Variants in TNKS observed in about 807,000 individuals in gnomAD.
The protein encoded by TNKS is tankyrase.
In TNKS, 72 loss-of-function variants were observed where a neutral mutation model predicts 135.8. The observed-to-expected ratio is 0.53, with a 90% CI of 0.44 to 0.64. The LOEUF is 0.64. Among genes scored for constraint, TNKS ranks in the 30% least tolerant of loss-of-function variants. The pLI is 0.00. For missense variants in TNKS, 1,769 were observed against 1,674.0 expected, an observed-to-expected ratio of 1.06 and a Z score of -0.99; for synonymous variants, 849 against 649.3, an observed-to-expected ratio of 1.31 and a Z score of -4.68.
chr8:9,766,411 C>G lies in TNKS; in HGVS notation c.3726C>G (p.Cys1242Trp). The change falls in exon 25 of 27, where the codon TGC becomes TGG. Residue 1242 changes from cysteine to tryptophan, a missense_variant. Around this residue, in one of 5 missense-constraint regions of TNKS, gnomAD observed 722 missense variants for 688.9 expected, o/e 1.05. Coordinates refer to ENST00000310430, the MANE Select transcript of TNKS (RefSeq NM_003747.3). ...TGCPTHKDRS[C>W]YICHRQMLFC... ...GCCCTACACACAAGGACAGGTCATG[C>G]TATATATGTCACAGGTAAGCATCTT... The G allele has an allele frequency of 6.3e-7, 1 of 1,596,008 alleles. No homozygotes were observed. The highest frequency in any genetic ancestry group is 8.6e-7 in the Non-Finnish European group (1 of 1,168,722).
chr8:9,709,068 T>C (rs1182780367), intron 9 of TNKS, among the ~76,000 whole-genome samples: 1 of 152,130 alleles, frequency 6.6e-6, no homozygotes, highest in Non-Finnish European at 1.5e-5. Context: ...AGCTAGAGAG[T>C]GGTTAGTGAT....
chr8:9,771,692 A>AGAGAGAGGAAGGGAGAAAGC lies in TNKS; in HGVS notation c.3897+1443_3897+1462dup, dbSNP rs1459617476. ...CAGGAAGGGAGGGAGAGAGAGAGAG[A>AGAGAGAGGAAGGGAGAAAGC]GAGAGAGGAAGGGAGAAAGCGAGAG... On this transcript the variant is annotated intron_variant, in intron 26 of 26. Transcript: ENST00000310430. Among the ~76,000 whole-genome samples, 110 of 123,270 alleles carry AGAGAGAGGAAGGGAGAAAGC rather than the reference A, an allele frequency of 8.9e-4. 1 individual carries two copies. Among genetic ancestry groups the AGAGAGAGGAAGGGAGAAAGC allele is most frequent in the African/African-American group, 3.6e-3 (104 of 29,086 alleles). The allele number at this position is 123,270 out of a possible 152,430, so 80.9% of individuals were successfully genotyped here.
At chr8:9,702,414 G>A (rs999954969) in intron 5 of TNKS, among the ~76,000 whole-genome samples, 22 of 152,100 alleles carry the variant, frequency 1.4e-4, no homozygotes, top group African/African-American at 2.4e-4. Flanking sequence ...AAATATTAGC[G>A]TATCCACAGG....
intron 2 of TNKS, among the ~76,000 whole-genome samples, chr8:9,611,840 C>T (rs1156931824): frequency 1.3e-5 from 2 of 152,168 alleles, no homozygotes; most frequent in Non-Finnish European, 2.9e-5. Flanking sequence ...GTCTGATAAC[C>T]TTCAGTGCTC....
At chr8:9,764,012 A>T (rs937117339) in intron 22 of TNKS, among the ~76,000 whole-genome samples, 1 of 152,172 alleles carries the variant, frequency 6.6e-6, no homozygotes, top group Non-Finnish European at 1.5e-5. Flanking sequence ...TCAGGAAGGC[A>T]TCATGGGGTC....
intron 1 of TNKS, among the ~76,000 whole-genome samples, chr8:9,571,981 G>T (rs1375673083): frequency 6.6e-6 from 1 of 152,096 alleles, no homozygotes; most frequent in Non-Finnish European, 1.5e-5. Flanking sequence ...CTCTATCCCA[G>T]ACTTGGTTAA....
At chr8:9,657,807 G>C (rs1157072417) in intron 3 of TNKS, among the ~76,000 whole-genome samples, 36 of 150,636 alleles carry the variant, frequency 2.4e-4, no homozygotes, top group African/African-American at 7.6e-4. Context: ...TCCCGGATGG[G>C]GCGGCTGCCG....
intron 1 of TNKS, among the ~76,000 whole-genome samples, chr8:9,561,386 C>T (rs2129049338): frequency 6.6e-6 from 1 of 152,264 alleles, no homozygotes; most frequent in Non-Finnish European, 1.5e-5. Flanking sequence ...TACCCCTTTT[C>T]CCTCAGGCAA....
chr8:9,632,422 CTA>C (rs1800326447), intron 3 of TNKS, among the ~76,000 whole-genome samples: 1 of 152,110 alleles, frequency 6.6e-6, no homozygotes, highest in Non-Finnish European at 1.5e-5. Flanking sequence ...TCTTTTCCCT[CTA>C]TATATTTTTT....
chr8:9,618,772 T>C (rs1468853924), intron 3 of TNKS, among the ~76,000 whole-genome samples: 1 of 152,210 alleles, frequency 6.6e-6, no homozygotes, highest in Non-Finnish European at 1.5e-5. Context: ...AAAAATCATT[T>C]GTAATTTTGC....
At chr8:9,760,943 T>G (rs1807118518) in intron 20 of TNKS, among the ~76,000 whole-genome samples, 1 of 152,252 alleles carries the variant, frequency 6.6e-6, no homozygotes, top group African/African-American at 2.4e-5. Context: ...TGTAGCCTCT[T>G]TAAAACAGTT....
intron 11 of TNKS, among the ~76,000 whole-genome samples, chr8:9,715,245 C>T (rs1386401539): frequency 1.3e-5 from 2 of 151,880 alleles, no homozygotes; most frequent in Non-Finnish European, 2.9e-5. Context: ...TTAGGGTCTT[C>T]GCAATAAATG....
At chr8:9,764,097 C>G (rs540918905) in intron 22 of TNKS, among the ~76,000 whole-genome samples, 1 of 152,208 alleles carries the variant, frequency 6.6e-6, no homozygotes, top group East Asian at 1.9e-4. Flanking sequence ...TGACTCTTCA[C>G]AAGTGGAGCA....
intron 20 of TNKS, among the ~76,000 whole-genome samples, chr8:9,757,260 C>T (rs111976305): frequency 0.014 from 2,075 of 152,284 alleles, 26 homozygotes; most frequent in African/African-American, 0.032. Context: ...CAGGCATGAG[C>T]CACCACACCT....
At chr8:9,728,825 T>C (rs1019704930) in intron 13 of TNKS, among the ~76,000 whole-genome samples, 3 of 152,164 alleles carry the variant, frequency 2.0e-5, no homozygotes, top group African/African-American at 7.2e-5. Flanking sequence ...AACTGTGAAC[T>C]CGCCTTTACT....
At chr8:9,627,756 T>C (rs1317327105) in intron 3 of TNKS, among the ~76,000 whole-genome samples, 1 of 152,164 alleles carries the variant, frequency 6.6e-6, no homozygotes, top group Admixed American at 6.5e-5. Context: ...AAAAGAAAAA[T>C]ACATGTGTAA....
intron 2 of TNKS, among the ~76,000 whole-genome samples, chr8:9,587,660 C>G (rs1293986170): frequency 6.6e-6 from 1 of 152,128 alleles, no homozygotes; most frequent in Admixed American, 6.5e-5. Flanking sequence ...CCTCGGCCTC[C>G]CAAAGTGCTG....
chr8:9,770,107 C>A lies in TNKS; in HGVS notation c.3742C>A (p.Gln1248Lys). The change falls in exon 26 of 27, where the codon CAA (glutamine) becomes AAA (lysine). Residue 1248 changes from glutamine to lysine, a missense_variant and splice_region_variant. By Grantham distance (53) the Gln-to-Lys change is moderately conservative (BLOSUM62 1). This residue lies in a region of TNKS where 722 missense variants were observed against 688.9 expected (regional missense o/e 1.05). Coordinates refer to ENST00000310430, the MANE Select transcript of TNKS (RefSeq NM_003747.3). ...KDRSCYICHR[Q>K]MLFCRVTLGK... Reference sequence around the variant, plus strand: ...CATTGTTTTTTTCTTTTTCCTTAGACAAATGCTCTTCTGTAGAGTGACCCT... The same window carrying A: ...CATTGTTTTTTTCTTTTTCCTTAGAAAAATGCTCTTCTGTAGAGTGACCCT... 1 of 1,601,530 alleles carries A rather than the reference C, an allele frequency of 6.2e-7. No individual in the cohort carries two copies. The highest frequency in any genetic ancestry group is 2.2e-5 in the East Asian group (1 of 44,652).
chr8:9,681,939 T>G lies in TNKS; in HGVS notation c.1107+1139T>G, dbSNP rs761324342. 8.5e-5 allele frequency among the ~76,000 whole-genome samples: 13 copies of G among 152,234 alleles called. 1 individual carries two copies. In the East Asian group the frequency reaches 2.5e-3, roughly 29 times the overall value. ...TGAGTATTTTGTTTCTCTGGGTAAT[T>G]TGGGGAGAGACTTCTACTTTCATAG... On this transcript the variant is annotated intron_variant, in intron 5 of 26. Transcript: ENST00000310430.
Sources: allele counts gnomAD v4.1 joint callset (sites outside exome capture counted in the v4.1 genomes callset), GRCh38; gene constraint gnomAD v4.1.1; regional missense constraint gnomAD v4.1.1; transcripts MANE v1.5; gene names NCBI Gene and HGNC (gene_info 2026-07-23, HGNC 2026-07-21).